Variants in BCAS3 observed in about 807,000 individuals in gnomAD.
The protein encoded by BCAS3 is BCAS3 microtubule associated cell migration factor, also known as BCAS4/BCAS3 fusion.
A neutral mutation model predicts 116.1 loss-of-function variants in BCAS3; 53 were observed. The observed-to-expected ratio is 0.46, with a 90% CI of 0.37 to 0.57. The LOEUF (loss-of-function observed/expected upper bound fraction) is 0.57, where lower values mean the gene tolerates loss of function less well. Among genes scored for constraint, BCAS3 ranks in the 20% least tolerant of loss-of-function variants. The pLI, the probability that BCAS3 is intolerant of heterozygous loss-of-function variation, is 0.00. For missense variants in BCAS3, 917 were observed against 1,165.4 expected, an observed-to-expected ratio of 0.79 and a Z score of 3.10; for synonymous variants, 391 against 408.2, an observed-to-expected ratio of 0.96 and a Z score of 0.51.
chr17:61,070,105 T>A (rs774844793), intron 19 of BCAS3: 3 of 1,574,886 alleles, frequency 1.9e-6, no homozygotes, highest in Non-Finnish European at 2.6e-6. Flanking sequence ...TATCATCAAG[T>A]TTCCGCTGAC....
At chr17:60,747,164 C>A in intron 5 of BCAS3, 34 bp from the exon 6 acceptor site, 1 of 1,448,434 alleles carries the variant, frequency 6.9e-7, no homozygotes, top group Non-Finnish European at 9.6e-7. Flanking sequence ...CCTTCATTTT[C>A]CCACTGAAAT....
chr17:60,905,885 T>C (rs1183653970), intron 11 of BCAS3, among the ~76,000 whole-genome samples: 1 of 152,200 alleles, frequency 6.6e-6, no homozygotes, highest in Non-Finnish European at 1.5e-5. Context: ...GTCATTTGCA[T>C]AGCATGTGTA....
rs2060168475 is a variant in BCAS3 at position 61,392,162 on chromosome 17, C to T, written c.*37C>T. The T allele has an allele frequency of 6.2e-7, 1 of 1,601,996 alleles. No homozygotes were observed. Among genetic ancestry groups the T allele is most frequent in the South Asian group, 1.1e-5 (1 of 89,964 alleles). On this transcript the variant is annotated 3_prime_UTR_variant, in exon 24 of 24. Coordinates refer to ENST00000407086, the MANE Select transcript of BCAS3 (RefSeq NM_017679.5). This position sits in a 1 kb window ranked among gnomAD's most constrained non-coding sequence, Gnocchi z 6.4. ...CTGCTTCTGACTGGCCAGCCCCCTC[C>T]CCTGCTGGAGGAGGGGAGAAGCCCC...
chr17:60,808,046 T>G lies in BCAS3; in HGVS notation c.446T>G (p.Leu149Arg). ...CDNFAEKRPL[L>R]GVCKSIGSSG... ...AACTTTGCTGAAAAAAGACCCCTCC[T>G]TGGTGTTTGTAAGAGCATTGGATCT... The change falls in exon 7 of 24, where the codon CTT (leucine) becomes CGT (arginine). Residue 149 changes from leucine (L) to arginine (R), a missense_variant. Transcript: ENST00000407086. The G allele has an allele frequency of 6.2e-7, 1 of 1,609,252 alleles. No individual in the cohort carries two copies. Among genetic ancestry groups the G allele is most frequent in the Non-Finnish European group, 8.5e-7 (1 of 1,177,352 alleles).
At chr17:61,369,853 T>C (rs2143526713) in intron 23 of BCAS3, among the ~76,000 whole-genome samples, 1 of 152,358 alleles carries the variant, frequency 6.6e-6, no homozygotes, top group Non-Finnish European at 1.5e-5. Flanking sequence ...GTGAGGAATG[T>C]GGCTTACGGC....
At position 61,380,912 on chromosome 17, in the gene BCAS3, T is replaced by G. The variant is rs914680668; in HGVS notation, c.2594-11065T>G. 1.3e-5 allele frequency among the ~76,000 whole-genome samples: 2 copies of G among 152,244 alleles called. No individual in the cohort carries two copies. The highest frequency in any genetic ancestry group is 2.4e-5 in the African/African-American group (1 of 41,460). On this transcript the variant is annotated intron_variant, in intron 23 of 23. Transcript: ENST00000407086. This position sits in a 1 kb window ranked among gnomAD's most constrained non-coding sequence, Gnocchi z 4.2. The stretch of plus-strand genomic sequence containing the variant: ...GCCCCTCTTGTAGTGCGTCTATTAG[T>G]GAGTAATTTGATTTGTACCTATTCA...
chr17:60,924,471 C>G lies in BCAS3; in HGVS notation c.1058C>G (p.Pro353Arg). The G allele has an allele frequency of 6.2e-7, 1 of 1,612,438 alleles. No homozygotes were observed. Among genetic ancestry groups the G allele is most frequent in the Non-Finnish European group, 8.5e-7 (1 of 1,179,610 alleles). The stretch of plus-strand genomic sequence containing the variant: ...GCCCACTTCCCTGCCCATGAGAAGC[C>G]AGTGTGCTGCATGGCTTTTAATACA... ...IVAHFPAHEK[P>R]VCCMAFNTSG... Residue 353 changes from proline (P) to arginine (R), a missense_variant, in exon 13 of 24, where the codon CCA becomes CGA. By Grantham distance (103) the Pro-to-Arg change is moderately radical. Transcript: ENST00000407086.
intron 4 of BCAS3, among the ~76,000 whole-genome samples, chr17:60,691,193 A>G (rs1215100100): frequency 6.6e-6 from 1 of 152,076 alleles, no homozygotes; most frequent in East Asian, 1.9e-4. Flanking sequence ...TCGGCCTCCC[A>G]AAGTGCTGGG....
intron 14 of BCAS3, among the ~76,000 whole-genome samples, chr17:60,959,416 G>A (rs1056873000): frequency 6.6e-5 from 10 of 151,956 alleles, no homozygotes; most frequent in Non-Finnish European, 8.8e-5. Context: ...AAACACATCT[G>A]CTTTTTGAAC....
chr17:61,119,926 C>T (rs2075695910), intron 22 of BCAS3, among the ~76,000 whole-genome samples: 1 of 151,722 alleles, frequency 6.6e-6, no homozygotes. Context: ...AGGAATAACC[C>T]TAAGAAGAAA....
At chr17:61,183,655 G>A (rs1297801283) in intron 22 of BCAS3, among the ~76,000 whole-genome samples, 1 of 152,128 alleles carries the variant, frequency 6.6e-6, no homozygotes, top group African/African-American at 2.4e-5. Flanking sequence ...CTACAATATG[G>A]TATGTCCAGA....
intron 13 of BCAS3, among the ~76,000 whole-genome samples, chr17:60,928,157 T>C (rs1254213523): frequency 6.6e-6 from 1 of 152,196 alleles, no homozygotes; most frequent in African/African-American, 2.4e-5. Context: ...GCATAGAGTC[T>C]GCTTGCTGGT....
intron 5 of BCAS3, among the ~76,000 whole-genome samples, chr17:60,724,719 C>T (rs2039642852): frequency 7.0e-6 from 1 of 143,538 alleles, no homozygotes; most frequent in Non-Finnish European, 1.5e-5. Flanking sequence ...GAGACTTCCT[C>T]TAAAAAAAAA....
chr17:60,947,186 T>G (rs1181902894), intron 13 of BCAS3, 33 bp from the exon 14 acceptor site: 2 of 1,586,310 alleles, frequency 1.3e-6, no homozygotes, highest in African/African-American at 1.3e-5. Context: ...ACATAATCAT[T>G]TTTATTTTTA....
intron 22 of BCAS3, among the ~76,000 whole-genome samples, chr17:61,174,780 T>C (rs917572): frequency 0.71 from 108,122 of 152,066 alleles, 39,596 homozygotes; most frequent in South Asian, 0.87. Flanking sequence ...TCTTCCCTGC[T>C]TCCCTACAAT....
intron 14 of BCAS3, among the ~76,000 whole-genome samples, chr17:60,957,855 G>A (rs1238301521): frequency 6.6e-6 from 1 of 152,180 alleles, no homozygotes; most frequent in Non-Finnish European, 1.5e-5. Context: ...GCTTAGCAAA[G>A]CACTGGCACA....
Position 61,365,525 on chromosome 17 carries a change from C to T in BCAS3, c.2426-2802C>T, listed in dbSNP as rs909421080. ...ACTTTTGTATTTTTAGTCGAGATGG[C>T]GTTTCACCATGTTGTCCAGGCTGGT... On this transcript the variant is annotated intron_variant, in intron 22 of 23. Transcript: ENST00000407086. The surrounding 1 kb of genome is among the most constrained non-coding windows in gnomAD (Gnocchi z 4.6). Among the ~76,000 whole-genome samples the T allele has an allele frequency of 2.0e-5, 3 of 152,150 alleles. No individual in the cohort carries two copies. Among genetic ancestry groups the T allele is most frequent in the East Asian group, 1.9e-4 (1 of 5,150 alleles).
chr17:60,894,494 A>T (rs2057382482), intron 10 of BCAS3, among the ~76,000 whole-genome samples: 1 of 152,210 alleles, frequency 6.6e-6, no homozygotes, highest in African/African-American at 2.4e-5. Context: ...TTCTAGATAC[A>T]AGATCATGTC....
At position 61,343,387 on chromosome 17, in the gene BCAS3, G is replaced by A. The variant is rs572519729; in HGVS notation, c.2426-24940G>A. On this transcript the variant is annotated intron_variant, in intron 22 of 23. Transcript: ENST00000407086. The surrounding 1 kb of genome is among the most constrained non-coding windows in gnomAD (Gnocchi z 5.5). ...GTACCAATGGTCAGGCAGACACACC[G>A]ACCCAGGCAGGAGCAGCGATCTGGC... is the stretch of plus-strand genomic sequence containing the variant. Among the ~76,000 whole-genome samples the A allele has an allele frequency of 1.1e-4, 16 of 152,318 alleles. No homozygotes were observed. The East Asian group carries it at 1.5e-3, about 15-fold the overall frequency.
Sources: allele counts gnomAD v4.1 joint callset (sites outside exome capture counted in the v4.1 genomes callset), GRCh38; gene constraint gnomAD v4.1.1; non-coding constraint Gnocchi (gnomAD v3.1); transcripts MANE v1.5; gene names NCBI Gene and HGNC (gene_info 2026-07-23, HGNC 2026-07-21).